Variants in DOP1B observed in about 807,000 individuals in gnomAD.
DOP1B encodes protein DOP1B.
A neutral mutation model predicts 233.5 loss-of-function variants in DOP1B; 174 were observed. The observed-to-expected ratio is 0.75, with a 90% CI of 0.66 to 0.85. The LOEUF (loss-of-function observed/expected upper bound fraction) is 0.85, where lower values mean the gene tolerates loss of function less well. Among genes scored for constraint, DOP1B ranks in the 40% least tolerant of loss-of-function variants. The probability of loss-of-function intolerance (pLI) is 0.00; values close to 1 mark genes in which losing one functional copy is unlikely to be tolerated. For missense variants in DOP1B, 2,652 were observed against 2,846.6 expected (o/e 0.93, Z 1.56); for synonymous variants, 1,190 against 1,185.6 (o/e 1.00, Z -0.08).
intron 7 of DOP1B, among the ~76,000 whole-genome samples, chr21:36,213,139 G>C (rs2250733): frequency 0.81 from 123,099 of 152,238 alleles, 49,800 homozygotes; most frequent in South Asian, 0.86. Context: ...CCTTCCTGCT[G>C]TTCTCCCTAG....
chr21:36,283,936 C>CTTTTTTTTTTTTTTTTTTTTTTT (rs547999186), intron 32 of DOP1B, among the ~76,000 whole-genome samples: 1 of 100,992 alleles, frequency 9.9e-6, no homozygotes, highest in African/African-American at 4.0e-5. Context: ...ACACCTGTTC[C>CTTTTTTTTTTTTTTTTTTTTTTT]TTTTTTTTTT....
intron 30 of DOP1B, among the ~76,000 whole-genome samples, chr21:36,279,836 A>G (rs941944639): frequency 6.6e-6 from 1 of 152,104 alleles, no homozygotes; most frequent in African/African-American, 2.4e-5. Flanking sequence ...TATGTAAACT[A>G]TTTATTTCTA....
At chr21:36,188,985 A>G (rs964681745) in intron 2 of DOP1B, among the ~76,000 whole-genome samples, 4 of 152,216 alleles carry the variant, frequency 2.6e-5, no homozygotes, top group African/African-American at 9.6e-5. Context: ...TAAAATACAT[A>G]TAACATAAAA....
intron 21 of DOP1B, among the ~76,000 whole-genome samples, chr21:36,250,746 G>A (rs1319442437): frequency 6.6e-6 from 1 of 152,202 alleles, no homozygotes; most frequent in East Asian, 1.9e-4. Flanking sequence ...AAGCCCTTCC[G>A]CAGCAGATGG....
At chr21:36,159,216 C>A (rs1165890588) in intron 1 of DOP1B, among the ~76,000 whole-genome samples, 1 of 152,172 alleles carries the variant, frequency 6.6e-6, no homozygotes, top group Non-Finnish European at 1.5e-5. Flanking sequence ...CTTTGGGAGG[C>A]CAAGGTGGGT....
At chr21:36,176,099 T>TGTGCGTATGTGTGTGTGTGCGTGC (rs1555886149) in intron 2 of DOP1B, among the ~76,000 whole-genome samples, 1 of 96,126 alleles carries the variant, frequency 1.0e-5, no homozygotes, top group Non-Finnish European at 2.3e-5. Context: ...TGTGTGTGCG[T>TGTGCGTATGTGTGTGTGTGCGTGC]GTGTGTGTGT....
At chr21:36,276,664 A>G (rs1291269810) in intron 27 of DOP1B, among the ~76,000 whole-genome samples, 2 of 152,076 alleles carry the variant, frequency 1.3e-5, no homozygotes, top group Middle Eastern at 3.2e-3. Context: ...AACATGGCAA[A>G]ACCCCGTCTC....
At position 36,211,987 on chromosome 21, in the gene DOP1B, G is replaced by C. The variant is rs1193407948; in HGVS notation, c.794G>C (p.Arg265Thr). The C allele has an allele frequency of 6.2e-7, 1 of 1,613,964 alleles. No homozygotes were observed. Residue 265 changes from arginine to threonine, a missense_variant, in exon 7 of 37, where the codon AGA becomes ACA. By Grantham distance (71) the Arg-to-Thr change is moderately conservative. Coordinates refer to ENST00000691173, the MANE Select transcript of DOP1B (RefSeq NM_001320714.2). ...TCCTTCTAATAGGATTCCAATGAGA[G>C]AGCCATCCCCCTCCTCAGATCTGAC... Reference protein sequence around the residue: ...PFYTCLDSNERAIPLLRSDIV... With the variant: ...PFYTCLDSNETAIPLLRSDIV...
At chr21:36,168,943 C>T in intron 2 of DOP1B, 2 of 650,770 alleles carry the variant, frequency 3.1e-6, no homozygotes, top group Admixed American at 4.6e-5. Flanking sequence ...ATTGAGACCC[C>T]ACCAGGTGCA....
Position 36,245,899 on chromosome 21 carries a change from C to T in DOP1B, c.3919C>T (p.Pro1307Ser), listed in dbSNP as rs1278276176. 1.2e-6 allele frequency: 2 copies of T among 1,613,646 alleles called. No homozygotes were observed. Reference sequence around the variant, plus strand: ...CCAGACCCAGGTCCCCAACGTGTGCCCCCACTCTCTGCTCCTGGAGCTGCT... The same window carrying T: ...CCAGACCCAGGTCCCCAACGTGTGCTCCCACTCTCTGCTCCTGGAGCTGCT... ...KLQTQVPNVCPHSLLLELLTY... is the reference protein window; with the variant it reads ...KLQTQVPNVCSHSLLLELLTY... The change falls in exon 19 of 37, where the codon CCC becomes TCC. Residue 1307 changes from proline to serine, a missense_variant. By Grantham distance (74) the Pro-to-Ser change is moderately conservative. Coordinates refer to ENST00000691173, the MANE Select transcript of DOP1B (RefSeq NM_001320714.2). The surrounding 1 kb of genome is among the most constrained non-coding windows in gnomAD (Gnocchi z 5.5).
intron 2 of DOP1B, among the ~76,000 whole-genome samples, chr21:36,177,395 A>G (rs1163760386): frequency 2.6e-5 from 4 of 152,156 alleles, no homozygotes; most frequent in Non-Finnish European, 5.9e-5. Context: ...AGGATAGTCT[A>G]TTTACTTTGT....
chr21:36,215,845 T>C (rs1361305459), intron 9 of DOP1B, among the ~76,000 whole-genome samples: 87 of 118,518 alleles, frequency 7.3e-4, no homozygotes, highest in African/African-American at 1.0e-3. Flanking sequence ...AAACCCCATC[T>C]CTACTAAAAA....
chr21:36,273,299 C>T lies in DOP1B; in HGVS notation c.5632+3142C>T, dbSNP rs576059589. Among the ~76,000 whole-genome samples, 316 of 150,116 alleles carry T rather than the reference C, an allele frequency of 2.1e-3. 2 individuals carry two copies. The highest frequency in any genetic ancestry group is 7.1e-3 in the African/African-American group (289 of 40,742). ...GTGTGTGCCTGTAATCCCAGCTACC[C>T]GGGAGGCTGAGGCAGGAGAATCACT... On this transcript the variant is annotated intron_variant, in intron 27 of 36. Coordinates refer to ENST00000691173, the MANE Select transcript of DOP1B (RefSeq NM_001320714.2).
intron 18 of DOP1B, among the ~76,000 whole-genome samples, chr21:36,240,998 G>C (rs2066886336): frequency 6.6e-6 from 1 of 152,040 alleles, no homozygotes; most frequent in South Asian, 2.1e-4. Context: ...CAAGACAAGG[G>C]TTAAAAAGTA....
At chr21:36,263,433 G>A (rs2067196205) in intron 24 of DOP1B, 113 bp from the exon 25 acceptor site, 2 of 821,054 alleles carry the variant, frequency 2.4e-6, no homozygotes, top group African/African-American at 1.7e-5. Context: ...AGGTCAGTGA[G>A]GTATGCTGTT....
At chr21:36,176,565 G>T (rs1474691853) in intron 2 of DOP1B, among the ~76,000 whole-genome samples, 1 of 152,132 alleles carries the variant, frequency 6.6e-6, no homozygotes, top group East Asian at 1.9e-4. Context: ...GACCGTGAGG[G>T]TGGAGGTGGC....
At chr21:36,280,833 C>G (rs2067406973) in intron 31 of DOP1B, among the ~76,000 whole-genome samples, 1 of 151,858 alleles carries the variant, frequency 6.6e-6, no homozygotes, top group African/African-American at 2.4e-5. Flanking sequence ...GAAACCCCGT[C>G]TCTACTAAAA....
At position 36,289,131 on chromosome 21, in the gene DOP1B, T is replaced by A. The variant is rs746027031; in HGVS notation, c.6440T>A (p.Ile2147Asn). The A allele has an allele frequency of 6.2e-7, 1 of 1,614,118 alleles. No homozygotes were observed. Among genetic ancestry groups the A allele is most frequent in the Non-Finnish European group, 8.5e-7 (1 of 1,179,996 alleles). ...GGGGAGATACCCCAGAGTGAACTCATCTTGTATTTATCAGCTTGCAAATTC... is the reference window on the plus strand; with the variant it reads ...GGGGAGATACCCCAGAGTGAACTCAACTTGTATTTATCAGCTTGCAAATTC... ...SVGEIPQSEL[I>N]LYLSACKFLD... The change falls in exon 35 of 37, where the codon ATC (isoleucine) becomes AAC (asparagine). Residue 2147 changes from isoleucine to asparagine, a missense_variant. This residue lies in a region of DOP1B where 2,617 missense variants were observed against 2,794.3 expected (regional missense o/e 0.94). Transcript: ENST00000691173.
At chr21:36,265,278 C>T (rs138810845) in intron 26 of DOP1B, among the ~76,000 whole-genome samples, 4 of 152,286 alleles carry the variant, frequency 2.6e-5, no homozygotes, top group South Asian at 2.1e-4. Context: ...TGCCTATAAT[C>T]CCAGCTACTC....
Sources: allele counts gnomAD v4.1 joint callset (sites outside exome capture counted in the v4.1 genomes callset), GRCh38; gene constraint gnomAD v4.1.1; regional missense constraint gnomAD v4.1.1; non-coding constraint Gnocchi (gnomAD v3.1); transcripts MANE v1.5; gene names NCBI Gene and HGNC (gene_info 2026-07-23, HGNC 2026-07-21).